The following TMEM108 variants were observed in gnomAD, a reference collection of about 807,000 sequenced individuals.
The protein encoded by TMEM108 is transmembrane protein 108, also known as cancer/testis antigen 124.
TMEM108 carries 12 observed loss-of-function variants against 35.1 expected under a neutral mutation model. The ratio of observed to expected loss-of-function variants is 0.34; its 90% confidence interval spans 0.22 to 0.55. TMEM108 has a LOEUF of 0.55. Among genes scored for constraint, TMEM108 ranks in the 20% least tolerant of loss-of-function variants. The pLI is 0.89. For missense variants in TMEM108, 680 were observed against 753.3 expected (o/e 0.90, Z 1.14); for synonymous variants, 287 against 308.6 (o/e 0.93, Z 0.73).
At chr3:133,266,478 A>G (rs1159902029) in intron 3 of TMEM108, among the ~76,000 whole-genome samples, 1 of 152,236 alleles carries the variant, frequency 6.6e-6, no homozygotes, top group Non-Finnish European at 1.5e-5. Flanking sequence ...AGGTCCTCAC[A>G]TGACACATTC....
intron 2 of TMEM108, among the ~76,000 whole-genome samples, chr3:133,113,454 A>C (rs886256836): frequency 1.3e-5 from 2 of 152,184 alleles, no homozygotes; most frequent in African/African-American, 4.8e-5. Flanking sequence ...CTCATTTTTT[A>C]AATACTGATG....
At chr3:133,186,327 A>G (rs1280875954) in intron 2 of TMEM108, among the ~76,000 whole-genome samples, 1 of 152,206 alleles carries the variant, frequency 6.6e-6, no homozygotes, top group African/African-American at 2.4e-5. Context: ...TGCTTAACAG[A>G]GAGAAGTGTT....
intron 2 of TMEM108, among the ~76,000 whole-genome samples, chr3:133,137,428 G>A (rs1270130032): frequency 6.6e-5 from 10 of 152,078 alleles, no homozygotes; most frequent in East Asian, 5.8e-4. Flanking sequence ...TCCCTTGATC[G>A]AAACACCATC....
intron 2 of TMEM108, among the ~76,000 whole-genome samples, chr3:133,066,332 C>G (rs1943606880): frequency 6.6e-6 from 1 of 151,908 alleles, no homozygotes; most frequent in Non-Finnish European, 1.5e-5. Flanking sequence ...TAATGTACAT[C>G]TCATTTATTT....
chr3:133,205,906 TC>T (rs532514474), intron 2 of TMEM108, among the ~76,000 whole-genome samples: 238 of 152,316 alleles, frequency 1.6e-3, no homozygotes, highest in African/African-American at 5.3e-3. Flanking sequence ...CCAACTTGGT[TC>T]CATTCTCCCC....
chr3:133,043,001 A>G lies in TMEM108; in HGVS notation c.-165-2901A>G, dbSNP rs148351010. 3.3e-5 allele frequency among the ~76,000 whole-genome samples: 5 copies of G among 152,348 alleles called. No homozygotes were observed. In the East Asian group the frequency reaches 5.8e-4, roughly 18 times the overall value. ...AGTTCAAGGTCAGGCTTCTCTTTGCAGCTCATTCTTTTCTTCACTGATTGA... is the reference window on the plus strand; with the variant it reads ...AGTTCAAGGTCAGGCTTCTCTTTGCGGCTCATTCTTTTCTTCACTGATTGA... On this transcript the variant is annotated intron_variant, in intron 1 of 5. Transcript: ENST00000321871.
At chr3:133,226,405 A>G (rs1277618636) in intron 2 of TMEM108, among the ~76,000 whole-genome samples, 1 of 152,232 alleles carries the variant, frequency 6.6e-6, no homozygotes. Flanking sequence ...TCAAAGAAAT[A>G]TATTTTTGGG....
Position 133,380,668 on chromosome 3 carries a change from C to A in TMEM108, c.957C>A (p.Arg319=), listed in dbSNP as rs150136687. ...SPQAAPVPSQ[R]PHHGDPQDGP... ...AAGCTGCCCCAGTGCCTTCTCAGCG[C>A]CCCCACCACGGTGACCCACAGGATG... Residue 319 remains arginine, a synonymous_variant, in exon 4 of 6, where the codon CGC becomes CGA. Coordinates refer to ENST00000321871, the MANE Select transcript of TMEM108 (RefSeq NM_023943.4). The surrounding 1 kb of genome is among the most constrained non-coding windows in gnomAD (Gnocchi z 5.3). The A allele has an allele frequency of 4.3e-6, 7 of 1,614,100 alleles. No homozygotes were observed. Among genetic ancestry groups the A allele is most frequent in the Non-Finnish European group, 2.5e-6 (3 of 1,180,008 alleles).
intron 2 of TMEM108, among the ~76,000 whole-genome samples, chr3:133,178,645 T>A (rs1454637700): frequency 6.6e-6 from 1 of 152,188 alleles, no homozygotes; most frequent in African/African-American, 2.4e-5. Flanking sequence ...TTACACCTTA[T>A]ACAAAAATTA....
At chr3:133,286,360 G>T (rs1415736063) in intron 3 of TMEM108, among the ~76,000 whole-genome samples, 5 of 151,948 alleles carry the variant, frequency 3.3e-5, no homozygotes, top group African/African-American at 1.2e-4. Flanking sequence ...TAGAAACAAG[G>T]TCTCACTCTG....
At chr3:133,284,720 C>T (rs754076199) in intron 3 of TMEM108, among the ~76,000 whole-genome samples, 14 of 152,172 alleles carry the variant, frequency 9.2e-5, no homozygotes, top group Non-Finnish European at 2.1e-4. Flanking sequence ...TTCTGAATTG[C>T]TGCCTCTGTT....
At chr3:133,070,452 T>G (rs1342021097) in intron 2 of TMEM108, among the ~76,000 whole-genome samples, 2 of 152,136 alleles carry the variant, frequency 1.3e-5, no homozygotes, top group African/African-American at 2.4e-5. Context: ...GGCAGTGAGC[T>G]AAACAAACTG....
At chr3:133,333,873 A>G (rs1347687692) in intron 3 of TMEM108, among the ~76,000 whole-genome samples, 5 of 152,250 alleles carry the variant, frequency 3.3e-5, no homozygotes, top group Admixed American at 3.3e-4. Context: ...AGAACTCCCA[A>G]TAGACTGGGG....
intron 4 of TMEM108, chr3:133,387,426 A>G: frequency 1.0e-6 from 1 of 985,484 alleles, no homozygotes; most frequent in Non-Finnish European, 1.2e-6. Context: ...AGGAGCATGA[A>G]CATGTGAGGG....
chr3:133,307,351 G>A (rs1343782338), intron 3 of TMEM108, among the ~76,000 whole-genome samples: 1 of 152,018 alleles, frequency 6.6e-6, no homozygotes, highest in African/African-American at 2.4e-5. Context: ...TAGTTTCTTT[G>A]CCGTGCAGAA....
chr3:133,068,666 C>T (rs897825040), intron 2 of TMEM108, among the ~76,000 whole-genome samples: 3 of 152,002 alleles, frequency 2.0e-5, no homozygotes, highest in Admixed American at 2.0e-4. Flanking sequence ...GGATCATGAT[C>T]GAGTGATTTT....
intron 3 of TMEM108, among the ~76,000 whole-genome samples, chr3:133,240,130 C>CT (rs1946292885): frequency 6.6e-6 from 1 of 152,098 alleles, no homozygotes; most frequent in African/African-American, 2.4e-5. Context: ...CTGTGTAATT[C>CT]TTTTGCAAAT....
chr3:133,114,472 TTC>T (rs1944263976), intron 2 of TMEM108, among the ~76,000 whole-genome samples: 2 of 152,246 alleles, frequency 1.3e-5, no homozygotes, highest in East Asian at 3.9e-4. Flanking sequence ...TTCCCAACTG[TTC>T]TTTTAGTACC....
In TMEM108 at chr3:133,145,672, G is replaced by T. The variant is rs922991312; in HGVS notation, c.-46-83594G>T. Among the ~76,000 whole-genome samples, 3 of 152,256 alleles carry T rather than the reference G, an allele frequency of 2.0e-5. No homozygotes were observed. The South Asian group carries it at 6.2e-4, about 32-fold the overall frequency. ...GTGGTTTGTAGTTCTCCTTGAAGAGGTCCTTCACATCCCTTGTAAGTTGTA... is the reference window on the plus strand; with the variant it reads ...GTGGTTTGTAGTTCTCCTTGAAGAGTTCCTTCACATCCCTTGTAAGTTGTA... On this transcript the variant is annotated intron_variant, in intron 2 of 5. Coordinates refer to ENST00000321871, the MANE Select transcript of TMEM108 (RefSeq NM_023943.4).
Sources: gnomAD v4.1 joint callset for allele counts (sites outside exome capture counted in the v4.1 genomes callset) on GRCh38, gnomAD v4.1.1 for gene constraint, Gnocchi (gnomAD v3.1) non-coding constraint, MANE v1.5 for transcripts, NCBI Gene and HGNC (gene_info 2026-07-23, HGNC 2026-07-21) for gene names.